The following SGK3 variants were observed in gnomAD, a reference collection of about 807,000 sequenced individuals.
SGK3 encodes serum/glucocorticoid regulated kinase family member 3.
Under a neutral mutation model 68.5 loss-of-function variants are expected in SGK3, and 47 were observed. The observed-to-expected ratio is 0.69, with a 90% confidence interval of 0.54 to 0.87. SGK3 has a LOEUF of 0.87. Among genes scored for constraint, SGK3 ranks in the 40% least tolerant of loss-of-function variants. The pLI is 0.00. For synonymous variants in SGK3, 181 were observed against 189.1 expected (o/e 0.96, Z 0.35); for missense variants, 479 against 575.5 (o/e 0.83, Z 1.72).
intron 15 of SGK3, among the ~76,000 whole-genome samples, chr8:66,849,461 C>A (rs1810172000): frequency 6.6e-6 from 1 of 152,166 alleles, no homozygotes; most frequent in African/African-American, 2.4e-5. Context: ...ACATTTCTAG[C>A]CCCACTGCTA....
In SGK3 at chr8:66,804,379, A is replaced by T; in HGVS notation, c.185A>T (p.Lys62Ile). The T allele has an allele frequency of 6.2e-7, 1 of 1,607,668 alleles. No individual in the cohort carries two copies. Among genetic ancestry groups the T allele is most frequent in the Non-Finnish European group, 8.5e-7 (1 of 1,178,360 alleles). The change falls in exon 4 of 17, where the codon AAA becomes ATA. Residue 62 changes from lysine (K) to isoleucine (I), a missense_variant. Around this residue, in one of 3 missense-constraint regions of SGK3, gnomAD observed 298 missense variants for 329.4 expected, o/e 0.90. Transcript: ENST00000521198. ...TGTTATTTTTAAAAATTTTAGTTAAAAAAACAGTTTCCTGCTATGGCCCTG... is the reference window on the plus strand; with the variant it reads ...TGTTATTTTTAAAAATTTTAGTTAATAAAACAGTTTCCTGCTATGGCCCTG... Reference protein sequence around the residue: ...AEFDKLYNTLKKQFPAMALKI... With the variant: ...AEFDKLYNTLIKQFPAMALKI...
At chr8:66,803,974 A>G (rs1199389141) in intron 3 of SGK3, among the ~76,000 whole-genome samples, 2 of 152,222 alleles carry the variant, frequency 1.3e-5, no homozygotes, top group African/African-American at 4.8e-5. Context: ...CACCAAGATC[A>G]TATCTTCTCC....
At chr8:66,799,546 C>T (rs976550246) in intron 3 of SGK3, among the ~76,000 whole-genome samples, 35 of 152,220 alleles carry the variant, frequency 2.3e-4, no homozygotes, top group African/African-American at 8.2e-4. Context: ...AACTCCAGGT[C>T]ATTAAGACAG....
At position 66,843,681 on chromosome 8, in the gene SGK3, C is replaced by T. The variant is rs1363673394; in HGVS notation, c.1074+134C>T. The T allele has an allele frequency of 7.9e-6, 7 of 890,498 alleles. No homozygotes were observed. The African/African-American group carries it at 8.5e-5, about 11-fold the overall frequency. The allele number at this position is 890,498 out of a possible 1,614,324, so 55.2% of individuals were successfully genotyped here. A position where few individuals can be genotyped will look rare whatever the true frequency, so the allele number is the denominator to read the frequency against. The stretch of plus-strand genomic sequence containing the variant: ...CAGTAATAGTCTGGTTAAATGAACC[C>T]AAACCCACATTAGGAATAAGGACAA... On this transcript the variant is annotated intron_variant, in intron 14 of 16. Transcript: ENST00000521198.
chr8:66,821,678 A>ATTTTTTTTTTTTTT (rs59399048), intron 5 of SGK3, among the ~76,000 whole-genome samples: 5 of 108,544 alleles, frequency 4.6e-5, no homozygotes, highest in Admixed American at 1.1e-4. Context: ...ACGCCCGGCT[A>ATTTTTTTTTTTTTT]TTTTTTTTTT....
chr8:66,746,920 T>C (rs1365027778), intron 1 of SGK3, among the ~76,000 whole-genome samples: 1 of 152,116 alleles, frequency 6.6e-6, no homozygotes, highest in Non-Finnish European at 1.5e-5. Flanking sequence ...CTCAGGGCTG[T>C]TGACACCTAA....
chr8:66,826,029 A>G (rs1444629451), intron 6 of SGK3, among the ~76,000 whole-genome samples: 1 of 151,790 alleles, frequency 6.6e-6, no homozygotes, highest in Non-Finnish European at 1.5e-5. Context: ...CTGGAATGCA[A>G]TGGCTCAATC....
chr8:66,757,702 G>A (rs1806022707), intron 1 of SGK3, among the ~76,000 whole-genome samples: 1 of 151,510 alleles, frequency 6.6e-6, no homozygotes, highest in Admixed American at 6.6e-5. Flanking sequence ...ATCACTTGAG[G>A]TCAGGAGTTT....
At chr8:66,842,823 C>A (rs1357927656) in intron 13 of SGK3, among the ~76,000 whole-genome samples, 1 of 152,174 alleles carries the variant, frequency 6.6e-6, no homozygotes, top group Non-Finnish European at 1.5e-5. Context: ...AATCCCAGCA[C>A]TTTGGGAGAC....
Position 66,847,193 on chromosome 8 carries a change from C to A in SGK3, c.1075C>A (p.Pro359Thr). The A allele has an allele frequency of 6.3e-7, 1 of 1,582,048 alleles. No homozygotes were observed. The highest frequency in any genetic ancestry group is 8.6e-7 in the Non-Finnish European group (1 of 1,169,302). ...AVLYEMLYGL[P>T]PFYCRDVAEM... ...TTATTTTGCTTTTTTTTTTTTCCAG[C>A]CTCCTTTTTATTGCCGAGATGTTGC... Residue 359 changes from proline (P) to threonine (T), a missense_variant and splice_region_variant, in exon 15 of 17, where the codon CCT becomes ACT. Pro to Thr is a conservative substitution (Grantham distance 38). This residue lies in a region of SGK3 where 173 missense variants were observed against 214.3 expected (regional missense o/e 0.81). Transcript: ENST00000521198.
intron 1 of SGK3, among the ~76,000 whole-genome samples, chr8:66,736,582 C>T (rs1032306722): frequency 3.3e-5 from 5 of 151,858 alleles, no homozygotes; most frequent in Admixed American, 3.3e-4. Flanking sequence ...GTTAGCCTCC[C>T]CAGTAGCTGG....
intron 4 of SGK3, among the ~76,000 whole-genome samples, chr8:66,807,914 A>G (rs953497444): frequency 6.6e-6 from 1 of 152,214 alleles, no homozygotes; most frequent in Non-Finnish European, 1.5e-5. Context: ...ACATACTTGT[A>G]AAAAGGAACA....
intron 1 of SGK3, among the ~76,000 whole-genome samples, chr8:66,719,316 A>ATTTG (rs111716297): frequency 0.12 from 16,737 of 145,108 alleles, 2,304 homozygotes; most frequent in African/African-American, 0.33. Flanking sequence ...TTTTTCTTTT[A>ATTTG]TTTGTTTGTT....
intron 1 of SGK3, among the ~76,000 whole-genome samples, chr8:66,722,181 C>T (rs1046752575): frequency 7.2e-5 from 11 of 152,268 alleles, no homozygotes; most frequent in Admixed American, 3.3e-4. Flanking sequence ...GGAAGCTCTG[C>T]GCCGAGACAA....
intron 14 of SGK3, 26 bp downstream of exon 14, chr8:66,843,573 C>A: frequency 6.3e-7 from 1 of 1,592,540 alleles, no homozygotes; most frequent in South Asian, 1.1e-5. Flanking sequence ...CCTCATTATT[C>A]CAATGTATTA....
intron 6 of SGK3, among the ~76,000 whole-genome samples, chr8:66,823,083 A>G (rs1158196453): frequency 6.6e-6 from 1 of 152,184 alleles, no homozygotes; most frequent in Non-Finnish European, 1.5e-5. Flanking sequence ...TTTTCTTTCC[A>G]ATCTTCTCTA....
In SGK3 at chr8:66,819,563, G is replaced by C. The variant is rs188444234; in HGVS notation, c.330-2809G>C. 3.5e-4 allele frequency among the ~76,000 whole-genome samples: 54 copies of C among 152,250 alleles called. 1 individual carries two copies. Among genetic ancestry groups the C allele is most frequent in the Admixed American group, 3.3e-3 (50 of 15,292 alleles). On this transcript the variant is annotated intron_variant, in intron 5 of 16. Coordinates refer to ENST00000521198, the MANE Select transcript of SGK3 (RefSeq NM_001033578.3). ...TGATTGTTTACAAAGTTTTTAACAA[G>C]ATGGGGAAATGTTTATTATGTAATT...
chr8:66,748,885 TTTTATTTA>T (rs199925799), intron 1 of SGK3, among the ~76,000 whole-genome samples: 4 of 151,642 alleles, frequency 2.6e-5, no homozygotes, highest in South Asian at 4.1e-4. Context: ...TCTCACTAGA[TTTTATTTA>T]TTTATTTATT....
In SGK3 at chr8:66,767,657, A is replaced by G. The variant is rs550818154; in HGVS notation, c.-121-25959A>G. On this transcript the variant is annotated intron_variant, in intron 1 of 16. Coordinates refer to ENST00000521198, the MANE Select transcript of SGK3 (RefSeq NM_001033578.3). ...AAGCCTAGAGGATTGAAGGGAAATA[A>G]TTTTTCTATTTCTGGATAGCCATCA... The G allele has an allele frequency of 1.2e-4, 169 of 1,389,958 alleles. 1 individual carries two copies. The South Asian group carries it at 1.9e-3, about 15-fold the overall frequency. The allele number at this position is 1,389,958 out of a possible 1,614,324, so 86.1% of individuals were successfully genotyped here.
Sources: gnomAD v4.1 joint callset for allele counts (sites outside exome capture counted in the v4.1 genomes callset) on GRCh38, gnomAD v4.1.1 for gene constraint, gnomAD v4.1.1 regional missense constraint, MANE v1.5 for transcripts, NCBI Gene and HGNC (gene_info 2026-07-23, HGNC 2026-07-21) for gene names.